Variants in CCDC178 observed in about 807,000 individuals in gnomAD.
The protein encoded by CCDC178 is coiled-coil domain-containing protein 178.
In CCDC178, 126 loss-of-function variants were observed where a neutral mutation model predicts 117.4. That is an observed-to-expected ratio of 1.07 (90% CI 0.93 to 1.24). CCDC178 has a LOEUF of 1.24. Among genes scored for constraint, CCDC178 ranks in the 50% most tolerant of loss-of-function variants. The pLI, the probability that CCDC178 is intolerant of heterozygous loss-of-function variation, is 0.00. For missense variants in CCDC178, 1,030 were observed against 986.9 expected (o/e 1.04, Z -0.59); for synonymous variants, 283 against 313.4 (o/e 0.90, Z 1.02).
At chr18:33,404,892 T>C (rs547905011) in intron 3 of CCDC178, among the ~76,000 whole-genome samples, 7 of 151,782 alleles carry the variant, frequency 4.6e-5, no homozygotes, top group Non-Finnish European at 1.0e-4. Context: ...ATCATTGATA[T>C]GAAATATCTA....
intron 14 of CCDC178, among the ~76,000 whole-genome samples, chr18:33,245,798 CA>C (rs774191689): frequency 2.6e-5 from 4 of 151,836 alleles, no homozygotes; most frequent in Non-Finnish European, 4.4e-5. Flanking sequence ...AAAGCCTAAA[CA>C]AAAACCAAAG....
chr18:33,212,220 G>C (rs1326476593), intron 19 of CCDC178, among the ~76,000 whole-genome samples, 165 bp from the exon 20 acceptor site: 2 of 151,906 alleles, frequency 1.3e-5, no homozygotes, highest in Non-Finnish European at 2.9e-5. Flanking sequence ...CTTCCATAGG[G>C]CTACATCTAA....
At chr18:33,167,303 T>G (rs1284927959) in intron 20 of CCDC178, among the ~76,000 whole-genome samples, 1 of 152,134 alleles carries the variant, frequency 6.6e-6, no homozygotes, top group Non-Finnish European at 1.5e-5. Flanking sequence ...ATTGCTGGGT[T>G]AAATGGTAAT....
intron 2 of CCDC178, among the ~76,000 whole-genome samples, chr18:33,434,403 T>C (rs917856461): frequency 1.3e-5 from 2 of 152,288 alleles, no homozygotes; most frequent in South Asian, 4.1e-4. Flanking sequence ...TTTTATACTA[T>C]ATATTTGGAC....
At chr18:33,141,789 A>T (rs1474339660) in intron 20 of CCDC178, among the ~76,000 whole-genome samples, 1 of 152,152 alleles carries the variant, frequency 6.6e-6, no homozygotes, top group South Asian at 2.1e-4. Flanking sequence ...ATTAATGCTG[A>T]TCATGCGACA....
chr18:32,956,022 A>G (rs769187283), intron 22 of CCDC178, among the ~76,000 whole-genome samples: 8 of 152,222 alleles, frequency 5.3e-5, no homozygotes, highest in Non-Finnish European at 1.2e-4. Flanking sequence ...AATTTTGCCT[A>G]TAACTAACAC....
chr18:33,184,214 G>T (rs1254654058), intron 20 of CCDC178, among the ~76,000 whole-genome samples: 1 of 151,990 alleles, frequency 6.6e-6, no homozygotes, highest in Non-Finnish European at 1.5e-5. Flanking sequence ...AAGAGACTAT[G>T]CCTCTCTTGT....
At chr18:33,048,594 A>C (rs1206583498) in intron 21 of CCDC178, among the ~76,000 whole-genome samples, 1 of 152,188 alleles carries the variant, frequency 6.6e-6, no homozygotes, top group Non-Finnish European at 1.5e-5. Flanking sequence ...TTTTAGACAC[A>C]AAAGATTTCT....
chr18:33,308,564 G>A (rs924259393), intron 11 of CCDC178, among the ~76,000 whole-genome samples: 2 of 152,160 alleles, frequency 1.3e-5, no homozygotes, highest in African/African-American at 4.8e-5. Flanking sequence ...GTATGATTGT[G>A]TTTTGAAATG....
At chr18:33,342,038 G>A (rs2062823866) in intron 9 of CCDC178, among the ~76,000 whole-genome samples, 1 of 152,162 alleles carries the variant, frequency 6.6e-6, no homozygotes, top group African/African-American at 2.4e-5. Context: ...TAAGAAATGA[G>A]TAAGATAACT....
chr18:33,245,500 A>T, intron 14 of CCDC178, 72 bp from the exon 15 acceptor site: 1 of 1,255,862 alleles, frequency 8.0e-7, no homozygotes, highest in Non-Finnish European at 1.0e-6. Flanking sequence ...ATAGTAAAAA[A>T]GAATAAGATC....
At chr18:33,356,720 T>C (rs2063062595) in intron 6 of CCDC178, among the ~76,000 whole-genome samples, 1 of 152,156 alleles carries the variant, frequency 6.6e-6, no homozygotes. Flanking sequence ...AGCAATAATA[T>C]ACCAAATTCC....
chr18:32,998,372 T>A (rs1206417042), intron 21 of CCDC178, among the ~76,000 whole-genome samples: 1 of 151,910 alleles, frequency 6.6e-6, no homozygotes, highest in Non-Finnish European at 1.5e-5. Flanking sequence ...TGCTATGGGA[T>A]CCTAAATAAA....
chr18:32,993,478 T>G (rs1362753902), intron 21 of CCDC178, among the ~76,000 whole-genome samples: 1 of 152,204 alleles, frequency 6.6e-6, no homozygotes, highest in Non-Finnish European at 1.5e-5. Flanking sequence ...CCTGGGCAAG[T>G]GCAGTACCTC....
chr18:33,254,882 T>C (rs2059661198), intron 14 of CCDC178, among the ~76,000 whole-genome samples: 1 of 152,058 alleles, frequency 6.6e-6, no homozygotes, highest in Non-Finnish European at 1.5e-5. Flanking sequence ...GATAGTTTGT[T>C]TGTCACTGTT....
chr18:33,393,305 G>A (rs1179726232), intron 4 of CCDC178, among the ~76,000 whole-genome samples: 2 of 152,054 alleles, frequency 1.3e-5, no homozygotes, highest in East Asian at 3.9e-4. Flanking sequence ...ATATTTATGT[G>A]TGTATGGTGT....
At chr18:33,008,534 T>A (rs2055796538) in intron 21 of CCDC178, among the ~76,000 whole-genome samples, 2 of 152,066 alleles carry the variant, frequency 1.3e-5, no homozygotes, top group Non-Finnish European at 2.9e-5. Context: ...CAATCATTTG[T>A]ATTCGTGTAC....
At position 33,224,900 on chromosome 18, in the gene CCDC178, C is replaced by G; in HGVS notation, c.1693G>C (p.Glu565Gln). The G allele has an allele frequency of 6.5e-7, 1 of 1,550,286 alleles. No homozygotes were observed. The highest frequency in any genetic ancestry group is 8.7e-7 in the Non-Finnish European group (1 of 1,147,860). ...CTATTTTTTATAAGCTCTTTCCGCT[C>G]AAGTGCCTGGACTTCGTAAATGGAA... ...LYSIYEVQAL[E>Q]RKELIKNRAI... Residue 565 changes from glutamate to glutamine, a missense_variant, in exon 17 of 23, where the codon GAG (glutamate) becomes CAG (glutamine). Transcript: ENST00000383096.
chr18:33,083,893 A>G (rs1409564784), intron 21 of CCDC178, among the ~76,000 whole-genome samples: 7 of 152,242 alleles, frequency 4.6e-5, no homozygotes, highest in Non-Finnish European at 8.8e-5. Flanking sequence ...ATACCTATTC[A>G]ACTACATTGT....
Sources: allele counts gnomAD v4.1 joint callset (sites outside exome capture counted in the v4.1 genomes callset), GRCh38; gene constraint gnomAD v4.1.1; transcripts MANE v1.5; gene names NCBI Gene and HGNC (gene_info 2026-07-23, HGNC 2026-07-21).